The following GADL1 variants were observed in gnomAD, a reference collection of about 807,000 sequenced individuals.
The protein encoded by GADL1 is GAD like acidic amino acid decarboxylase 1.
In GADL1, 71 loss-of-function variants were observed where a neutral mutation model predicts 69.5. That is an observed-to-expected ratio of 1.02 (90% CI 0.84 to 1.25). The LOEUF (loss-of-function observed/expected upper bound fraction) is 1.25. GADL1 is among the 50% of genes most tolerant of loss of function. GADL1 has a pLI of 0.00. For synonymous variants in GADL1, 254 were observed against 214.4 expected (o/e 1.18, Z -1.62); for missense variants, 737 against 631.8 (o/e 1.17, Z -1.79).
chr3:30,880,153 T>C (rs2125544411), intron 1 of GADL1, among the ~76,000 whole-genome samples: 1 of 152,084 alleles, frequency 6.6e-6, no homozygotes, highest in Non-Finnish European at 1.5e-5. Context: ...AGATATTAAA[T>C]ATTTTTAAAA....
At chr3:30,791,585 G>A (rs1466208258) in intron 12 of GADL1, among the ~76,000 whole-genome samples, 4 of 152,102 alleles carry the variant, frequency 2.6e-5, no homozygotes, top group Non-Finnish European at 5.9e-5. Context: ...TAGAGGAAAG[G>A]CATCCTAAAA....
At chr3:30,817,142 C>T (rs993633416) in intron 11 of GADL1, among the ~76,000 whole-genome samples, 5 of 152,084 alleles carry the variant, frequency 3.3e-5, no homozygotes, top group Non-Finnish European at 7.4e-5. Context: ...CTCGTGTAGC[C>T]TGGCATGCGT....
chr3:30,819,222 T>C (rs1056370930), intron 11 of GADL1, among the ~76,000 whole-genome samples: 9 of 152,004 alleles, frequency 5.9e-5, no homozygotes, highest in African/African-American at 1.9e-4. Context: ...TACTTAAGAA[T>C]TGCTTTCTCT....
chr3:30,870,743 T>C (rs1422301619), intron 1 of GADL1, among the ~76,000 whole-genome samples: 5 of 151,094 alleles, frequency 3.3e-5, no homozygotes, highest in African/African-American at 7.3e-5. Flanking sequence ...ACTTGGGAGA[T>C]ATTTAGGTGA....
intron 12 of GADL1, among the ~76,000 whole-genome samples, chr3:30,795,759 C>T (rs896708699): frequency 6.6e-6 from 1 of 152,136 alleles, no homozygotes; most frequent in African/African-American, 2.4e-5. Context: ...TACCAAATTA[C>T]ATGCCTCAAA....
chr3:30,872,559 C>T (rs1559366375), intron 1 of GADL1, among the ~76,000 whole-genome samples: 1 of 151,826 alleles, frequency 6.6e-6, no homozygotes, highest in African/African-American at 2.4e-5. Flanking sequence ...TTACTTGAGG[C>T]CATTTTTGGT....
intron 14 of GADL1, among the ~76,000 whole-genome samples, chr3:30,731,173 C>T (rs527839374): frequency 6.6e-6 from 1 of 152,314 alleles, no homozygotes; most frequent in East Asian, 1.9e-4. Context: ...GAGCTTACAG[C>T]TTGCGGTTCT....
chr3:30,797,523 T>C (rs969483299), intron 12 of GADL1, among the ~76,000 whole-genome samples: 2 of 152,184 alleles, frequency 1.3e-5, no homozygotes, highest in Non-Finnish European at 2.9e-5. Context: ...TACGTGTTAT[T>C]ATCACTTTCC....
chr3:30,886,531 G>C (rs1698714024), intron 1 of GADL1, among the ~76,000 whole-genome samples: 3 of 152,118 alleles, frequency 2.0e-5, no homozygotes, highest in African/African-American at 7.2e-5. Flanking sequence ...GATGGGGAGT[G>C]GGGTGGAATA....
In GADL1 at chr3:30,854,867, T is replaced by G. The variant is rs541406199; in HGVS notation, c.338-78A>C. 1.9e-5 allele frequency: 14 copies of G among 735,216 alleles called. No homozygotes were observed. In the African/African-American group the frequency reaches 2.5e-4, roughly 13 times the overall value. The allele number at this position is 735,216 out of a possible 1,614,324, so 45.5% of individuals were successfully genotyped here. ...CTGATACAGCATTAACATAAATGAATCTTTCAGAAAATGAAAGCAGACACA... is the reference window on the plus strand; with the variant it reads ...CTGATACAGCATTAACATAAATGAAGCTTTCAGAAAATGAAAGCAGACACA... On this transcript the variant is annotated intron_variant, in intron 3 of 14. Coordinates refer to ENST00000282538, the MANE Select transcript of GADL1 (RefSeq NM_207359.3).
At chr3:30,738,614 A>C (rs1695571545) in intron 14 of GADL1, among the ~76,000 whole-genome samples, 1 of 152,074 alleles carries the variant, frequency 6.6e-6, no homozygotes, top group Non-Finnish European at 1.5e-5. Flanking sequence ...AATGAGTATC[A>C]CTCCATCTGA....
At chr3:30,857,402 C>T (rs568064861) in intron 2 of GADL1, among the ~76,000 whole-genome samples, 27 of 151,752 alleles carry the variant, frequency 1.8e-4, no homozygotes, top group African/African-American at 5.6e-4. Context: ...AAGAGTAGAG[C>T]GAATCAAAGT....
chr3:30,786,346 A>G lies in GADL1; in HGVS notation c.1302+9T>C. ...ACAAAATCACAAGCACAATTATGCA[A>G]TCACTTACTTCCATCAGTAACTTGA... On this transcript the variant is annotated intron_variant, in intron 13 of 14. Transcript: ENST00000282538. 1 of 1,538,170 alleles carries G rather than the reference A, an allele frequency of 6.5e-7. No individual in the cohort carries two copies.
intron 14 of GADL1, among the ~76,000 whole-genome samples, chr3:30,756,580 C>T (rs186946666): frequency 3.3e-5 from 5 of 152,024 alleles, no homozygotes; most frequent in East Asian, 3.9e-4. Context: ...CAGAAGTAAT[C>T]GTGTGCTAAA....
At chr3:30,750,226 C>T (rs1322079156) in intron 14 of GADL1, among the ~76,000 whole-genome samples, 1 of 152,126 alleles carries the variant, frequency 6.6e-6, no homozygotes, top group Non-Finnish European at 1.5e-5. Context: ...GAGCACATAA[C>T]TGGAGATGCT....
At chr3:30,764,458 T>C (rs1186926891) in intron 14 of GADL1, among the ~76,000 whole-genome samples, 2 of 152,204 alleles carry the variant, frequency 1.3e-5, no homozygotes, top group African/African-American at 4.8e-5. Context: ...TGAGCTTTTT[T>C]TCCTGTAAAA....
intron 14 of GADL1, among the ~76,000 whole-genome samples, chr3:30,761,014 C>T (rs907101404): frequency 4.0e-5 from 6 of 151,742 alleles, no homozygotes; most frequent in African/African-American, 1.5e-4. Context: ...TTAAAATTTA[C>T]CATGCAGAAC....
At chr3:30,791,904 C>T (rs951900529) in intron 12 of GADL1, among the ~76,000 whole-genome samples, 2 of 152,148 alleles carry the variant, frequency 1.3e-5, no homozygotes, top group African/African-American at 4.8e-5. Flanking sequence ...ATGCTCTTAC[C>T]TGCTGCCATG....
chr3:30,762,498 C>A (rs1011675159), intron 14 of GADL1, among the ~76,000 whole-genome samples: 2 of 151,992 alleles, frequency 1.3e-5, no homozygotes, highest in Non-Finnish European at 1.5e-5. Flanking sequence ...TTGTGGGCAC[C>A]ATAGTAGGTG....
Sources: gnomAD v4.1 joint callset for allele counts (sites outside exome capture counted in the v4.1 genomes callset) on GRCh38, gnomAD v4.1.1 for gene constraint, MANE v1.5 for transcripts, NCBI Gene and HGNC (gene_info 2026-07-23, HGNC 2026-07-21) for gene names.